Variants in PLXNC1 observed in about 807,000 individuals in gnomAD.
The protein encoded by PLXNC1 is plexin C1.
PLXNC1 carries 75 observed loss-of-function variants against 178.2 expected under a neutral mutation model. The ratio of observed to expected loss-of-function variants is 0.42; its 90% confidence interval spans 0.35 to 0.51. PLXNC1 has a LOEUF of 0.51. Among genes scored for constraint, PLXNC1 ranks in the 20% least tolerant of loss-of-function variants. PLXNC1 has a pLI of 0.02. For synonymous variants in PLXNC1, 790 were observed against 779.9 expected (o/e 1.01, Z -0.22); for missense variants, 1,503 against 1,984.4 (o/e 0.76, Z 4.61).
chr12:94,304,306 GACTCAAGT>G (rs1280680611), intron 30 of PLXNC1: 13 of 351,452 alleles, frequency 3.7e-5, no homozygotes, highest in Non-Finnish European at 6.7e-5. Flanking sequence ...CAGCCACCCT[GACTCAAGT>G]TAACTTTGAT....
intron 21 of PLXNC1, chr12:94,276,974 G>C (rs1966011691): frequency 6.6e-6 from 1 of 152,190 alleles, no homozygotes; most frequent in African/African-American, 2.4e-5. Context: ...TTAATCATTT[G>C]GTTGAGACCA....
Position 94,303,086 on chromosome 12 carries a change from A to T in PLXNC1, c.4387-670A>T, listed in dbSNP as rs189943284. Among the ~76,000 whole-genome samples, 619 of 152,326 alleles carry T rather than the reference A, an allele frequency of 4.1e-3. 4 individuals carry two copies. Among genetic ancestry groups the T allele is most frequent in the Middle Eastern group, 0.024 (7 of 294 alleles). On this transcript the variant is annotated intron_variant, in intron 28 of 30. Transcript: ENST00000258526. ...TAGAATTTTTTAAAGTTTTGTGAAA[A>T]ATAATGATTTTTAAAAATAAAATCA...
At chr12:94,303,693 CTTTTT>C (rs373777720) in intron 28 of PLXNC1, 58 bp from the exon 29 acceptor site, 224 of 698,566 alleles carry the variant, frequency 3.2e-4, no homozygotes, top group Admixed American at 6.3e-4. Flanking sequence ...ATTCCTCCAT[CTTTTT>C]TTTTTTTTTT....
intron 27 of PLXNC1, among the ~76,000 whole-genome samples, chr12:94,299,779 C>CA (rs1968284125): frequency 6.6e-6 from 1 of 152,176 alleles, no homozygotes; most frequent in South Asian, 2.1e-4. Context: ...AGGCTGGTCT[C>CA]AAACTCCTGG....
chr12:94,194,338 C>T (rs973497943), intron 4 of PLXNC1, among the ~76,000 whole-genome samples: 5 of 152,190 alleles, frequency 3.3e-5, no homozygotes, highest in South Asian at 4.1e-4. Flanking sequence ...CAGATCCAAA[C>T]GATATCAGGT....
chr12:94,172,068 A>G (rs112679314), intron 2 of PLXNC1, among the ~76,000 whole-genome samples: 1 of 152,214 alleles, frequency 6.6e-6, no homozygotes, highest in African/African-American at 2.4e-5. Context: ...TTTATTCAGA[A>G]GCTTTCAGCT....
chr12:94,185,454 G>A (rs999491200), intron 3 of PLXNC1, among the ~76,000 whole-genome samples: 1 of 152,154 alleles, frequency 6.6e-6, no homozygotes, highest in Non-Finnish European at 1.5e-5. Context: ...GGTTTTGCCT[G>A]CAGAAAGTGC....
intron 10 of PLXNC1, among the ~76,000 whole-genome samples, chr12:94,239,029 C>T (rs1051154798): frequency 1.3e-5 from 2 of 152,184 alleles, no homozygotes; most frequent in Non-Finnish European, 2.9e-5. Context: ...CAATCAACTT[C>T]ATGGAAAATA....
chr12:94,177,179 A>ATG (rs1962103871), intron 2 of PLXNC1, among the ~76,000 whole-genome samples: 1 of 31,546 alleles, frequency 3.2e-5, no homozygotes, highest in Non-Finnish European at 6.0e-5. Context: ...ATATATACGT[A>ATG]TATATATGTA....
chr12:94,231,297 G>A (rs1037408606), intron 9 of PLXNC1, among the ~76,000 whole-genome samples: 2 of 152,122 alleles, frequency 1.3e-5, no homozygotes, highest in African/African-American at 4.8e-5. Context: ...GCACAGTGTA[G>A]GGGTAGGAGC....
At chr12:94,186,172 G>GCACTGACA (rs956282810) in intron 3 of PLXNC1, 9 of 521,800 alleles carry the variant, frequency 1.7e-5, no homozygotes, top group Non-Finnish European at 2.8e-5. Context: ...CTGGGAATAC[G>GCACTGACA]CACTGTCAAA....
At chr12:94,225,801 G>C (rs548230398) in intron 7 of PLXNC1, among the ~76,000 whole-genome samples, 290 of 152,276 alleles carry the variant, frequency 1.9e-3, no homozygotes, top group Middle Eastern at 3.4e-3. Context: ...TCACAAACCC[G>C]TGTCTAGCTC....
At chr12:94,183,908 TA>T (rs1962415592) in intron 3 of PLXNC1, among the ~76,000 whole-genome samples, 1 of 152,134 alleles carries the variant, frequency 6.6e-6, no homozygotes, top group South Asian at 2.1e-4. Context: ...GCTGAGCAAA[TA>T]TAACGCCTAA....
At chr12:94,279,810 G>T in intron 22 of PLXNC1, 161 bp downstream of exon 22, 1 of 729,986 alleles carries the variant, frequency 1.4e-6, no homozygotes, top group Non-Finnish European at 2.5e-6. Flanking sequence ...CCAAGAGACT[G>T]CTTTGGTCTC....
chr12:94,281,437 T>G (rs560217765), intron 22 of PLXNC1, among the ~76,000 whole-genome samples: 2 of 152,300 alleles, frequency 1.3e-5, no homozygotes, highest in Admixed American at 1.3e-4. Flanking sequence ...CAGTGGAGCT[T>G]GACTTAATGG....
Position 94,167,619 on chromosome 12 carries a change from CTTCCT to C in PLXNC1, c.1063-1532_1063-1528del, listed in dbSNP as rs199625741. 8.9e-3 allele frequency among the ~76,000 whole-genome samples: 1,353 copies of C among 152,270 alleles called. 18 individuals carry two copies. The highest frequency in any genetic ancestry group is 0.015 in the Non-Finnish European group (1,038 of 68,006). ...TCTTTTTCTGCTCATAGTCATGAGG[CTTCCT>C]TATCTAAACAGTGATCTATTGTTCC... is the stretch of plus-strand genomic sequence containing the variant. On this transcript the variant is annotated intron_variant, in intron 1 of 30. Transcript: ENST00000258526.
chr12:94,207,503 A>G (rs751516557), intron 4 of PLXNC1, among the ~76,000 whole-genome samples: 3 of 152,172 alleles, frequency 2.0e-5, no homozygotes, highest in African/African-American at 4.8e-5. Flanking sequence ...ACCTATAGAG[A>G]TTTCATATTT....
At chr12:94,211,630 C>A (rs1047237546) in intron 5 of PLXNC1, among the ~76,000 whole-genome samples, 4 of 152,192 alleles carry the variant, frequency 2.6e-5, no homozygotes, top group African/African-American at 7.2e-5. Flanking sequence ...ATAATAAGAA[C>A]CTCTGTTCAC....
chr12:94,282,143 A>G, intron 22 of PLXNC1, 155 bp from the exon 23 acceptor site: 2 of 585,236 alleles, frequency 3.4e-6, no homozygotes, highest in Middle Eastern at 4.0e-4. Flanking sequence ...GTAAAACAGA[A>G]CTCAGAATTC....
Sources: gnomAD v4.1 joint callset for allele counts (sites outside exome capture counted in the v4.1 genomes callset) on GRCh38, gnomAD v4.1.1 for gene constraint, MANE v1.5 for transcripts, NCBI Gene and HGNC (gene_info 2026-07-23, HGNC 2026-07-21) for gene names.